Variants in ADAMTS3 observed in about 807,000 individuals in gnomAD.
ADAMTS3 encodes the protein A disintegrin and metalloproteinase with thrombospondin motifs 3.
ADAMTS3 carries 73 observed loss-of-function variants against 129.0 expected under a neutral mutation model. The observed-to-expected ratio is 0.57, with a 90% CI of 0.47 to 0.69. ADAMTS3 has a LOEUF of 0.69. Among genes scored for constraint, ADAMTS3 ranks in the 30% least tolerant of loss-of-function variants. The pLI is 0.00. For synonymous variants in ADAMTS3, 477 were observed against 510.8 expected, an observed-to-expected ratio of 0.93 and a Z score of 0.89; for missense variants, 1,457 against 1,514.5, an observed-to-expected ratio of 0.96 and a Z score of 0.63.
At chr4:72,335,065 C>T (rs983330656) in intron 5 of ADAMTS3, among the ~76,000 whole-genome samples, 1 of 151,920 alleles carries the variant, frequency 6.6e-6, no homozygotes, top group Admixed American at 6.6e-5. Flanking sequence ...ACCCTTAAGC[C>T]CCAGAGAAAA....
At chr4:72,480,108 G>A (rs370576884) in intron 3 of ADAMTS3, among the ~76,000 whole-genome samples, 2 of 152,096 alleles carry the variant, frequency 1.3e-5, no homozygotes, top group African/African-American at 2.4e-5. Flanking sequence ...GACTGTAAAC[G>A]AGTTCAACCA....
chr4:72,349,157 G>A (rs1210298548), intron 4 of ADAMTS3, among the ~76,000 whole-genome samples: 1 of 151,996 alleles, frequency 6.6e-6, no homozygotes, highest in Non-Finnish European at 1.5e-5. Context: ...TGAGAAAGAA[G>A]CTAAACTTAT....
At chr4:72,460,315 GT>G (rs959422785) in intron 3 of ADAMTS3, among the ~76,000 whole-genome samples, 1 of 151,436 alleles carries the variant, frequency 6.6e-6, no homozygotes, top group African/African-American at 2.4e-5. Flanking sequence ...GTACCACATA[GT>G]ATATGAACGT....
chr4:72,557,236 C>T (rs1031486463), intron 2 of ADAMTS3, among the ~76,000 whole-genome samples: 2 of 151,808 alleles, frequency 1.3e-5, no homozygotes, highest in African/African-American at 4.9e-5. Context: ...AAGAGAATGA[C>T]TTTCATCAGA....
At chr4:72,411,464 G>A (rs1722182625) in intron 4 of ADAMTS3, among the ~76,000 whole-genome samples, 1 of 151,968 alleles carries the variant, frequency 6.6e-6, no homozygotes, top group Non-Finnish European at 1.5e-5. Context: ...CCAATTCTGT[G>A]CAGTGTATAC....
At chr4:72,420,223 G>A (rs1312445304) in intron 3 of ADAMTS3, among the ~76,000 whole-genome samples, 1 of 151,808 alleles carries the variant, frequency 6.6e-6, no homozygotes, top group Non-Finnish European at 1.5e-5. Flanking sequence ...CTCCATCACC[G>A]CCTTCAAGAC....
chr4:72,559,417 T>C (rs1721846724), intron 2 of ADAMTS3, among the ~76,000 whole-genome samples: 2 of 151,852 alleles, frequency 1.3e-5, no homozygotes, highest in Admixed American at 1.3e-4. Flanking sequence ...TACTGCTATA[T>C]TACAATTAAT....
intron 3 of ADAMTS3, among the ~76,000 whole-genome samples, chr4:72,510,950 T>C (rs1051995343): frequency 2.7e-5 from 4 of 150,194 alleles, no homozygotes; most frequent in African/African-American, 9.8e-5. Flanking sequence ...TGGAACAGAA[T>C]AGAGAACCCA....
intron 3 of ADAMTS3, among the ~76,000 whole-genome samples, chr4:72,470,405 AC>A (rs1403224464): frequency 4.0e-4 from 59 of 148,760 alleles, no homozygotes; most frequent in Non-Finnish European, 6.7e-4. Context: ...ACACACACAC[AC>A]ATTTCATATA....
intron 3 of ADAMTS3, among the ~76,000 whole-genome samples, chr4:72,448,734 T>A (rs1484695552): frequency 6.6e-6 from 1 of 151,722 alleles, no homozygotes; most frequent in Non-Finnish European, 1.5e-5. Flanking sequence ...ATAAAATTCT[T>A]GTAATATGAA....
At position 72,568,723 on chromosome 4, in the gene ADAMTS3, C is replaced by T. The variant is rs1722086337; in HGVS notation, c.40G>A (p.Val14Ile). Reference sequence around the variant, plus strand: ...CCATCAGCTGAAGTCCTAACCTCTACCAGAGCGGCTGCTATCAACCAAAGT... The same window carrying T: ...CCATCAGCTGAAGTCCTAACCTCTATCAGAGCGGCTGCTATCAACCAAAGT... The part of the protein sequence containing the change: ...LSLWLIAAAL[V>I]EVRTSADGQA... The change falls in exon 1 of 22, where the codon GTA (valine) becomes ATA (isoleucine). Residue 14 changes from valine (V) to isoleucine (I), a missense_variant. By Grantham distance (29) the Val-to-Ile change is conservative. Transcript: ENST00000286657. The T allele has an allele frequency of 6.2e-7, 1 of 1,613,910 alleles. No individual in the cohort carries two copies.
intron 11 of ADAMTS3, 124 bp downstream of exon 11, chr4:72,315,734 A>C (rs1719376869): frequency 1.7e-6 from 1 of 595,724 alleles, no homozygotes; most frequent in African/African-American, 1.9e-5. Context: ...ACTTTAATAA[A>C]GCCTTGCATA....
At chr4:72,305,752 TATGCACATGTACACACATATACAC>T (rs1719068290) in intron 16 of ADAMTS3, among the ~76,000 whole-genome samples, 1 of 151,958 alleles carries the variant, frequency 6.6e-6, no homozygotes, top group South Asian at 2.1e-4. Flanking sequence ...TACATATACA[TATGCACATGTACACACATATACAC>T]ATGCACATGT....
At chr4:72,411,705 A>T (rs1302850894) in intron 4 of ADAMTS3, among the ~76,000 whole-genome samples, 1 of 152,002 alleles carries the variant, frequency 6.6e-6, no homozygotes, top group Non-Finnish European at 1.5e-5. Flanking sequence ...ATCCTAATCT[A>T]CTCAAATTGG....
Position 72,311,173 on chromosome 4 carries a change from T to G in ADAMTS3, c.1930A>C (p.Arg644=). 6.2e-7 allele frequency: 1 copy of G among 1,609,894 alleles called. No individual in the cohort carries two copies. Among genetic ancestry groups the G allele is most frequent in the Non-Finnish European group, 8.5e-7 (1 of 1,177,812 alleles). Residue 644 remains arginine (R), a synonymous_variant, in exon 14 of 22, where the codon AGA becomes CGA. Coordinates refer to ENST00000286657, the MANE Select transcript of ADAMTS3 (RefSeq NM_014243.3). ...TTGGACTGACAGTAAAGGTGGCATC[T>G]TTTCTTGGCTGCATAAGATGGAGGA... The part of the protein sequence containing the change: ...LPYEHPDPKK[R]CHLYCQSKET...
chr4:72,473,564 A>C (rs1238123418), intron 3 of ADAMTS3, among the ~76,000 whole-genome samples: 4 of 151,988 alleles, frequency 2.6e-5, no homozygotes, highest in Non-Finnish European at 5.9e-5. Context: ...AAAAAAAAAA[A>C]AAAACACGGT....
At chr4:72,317,344 T>C (rs889935362) in intron 10 of ADAMTS3, among the ~76,000 whole-genome samples, 3 of 152,142 alleles carry the variant, frequency 2.0e-5, no homozygotes, top group Admixed American at 6.6e-5. Context: ...GTATACCTTA[T>C]AGACAGACCA....
chr4:72,387,054 T>G (rs1721467169), intron 4 of ADAMTS3, among the ~76,000 whole-genome samples: 1 of 151,960 alleles, frequency 6.6e-6, no homozygotes, highest in African/African-American at 2.4e-5. Context: ...GTTAAAGGAG[T>G]TTTAGAAAAA....
In ADAMTS3 at chr4:72,507,486, A is replaced by G. The variant is rs115450627; in HGVS notation, c.504+40992T>C. Among the ~76,000 whole-genome samples the G allele has an allele frequency of 2.2e-3, 339 of 152,306 alleles. 2 individuals are homozygous for G. Among genetic ancestry groups the G allele is most frequent in the African/African-American group, 8.0e-3 (332 of 41,568 alleles). On this transcript the variant is annotated intron_variant, in intron 3 of 21. Transcript: ENST00000286657. ...TGATTGTGAGTCCTCTCACTATCCC[A>G]GTTCTTGCTCTTGAAGCTTGGTTGC...
Sources: gnomAD v4.1 joint callset for allele counts (sites outside exome capture counted in the v4.1 genomes callset) on GRCh38, gnomAD v4.1.1 for gene constraint, MANE v1.5 for transcripts, NCBI Gene and HGNC (gene_info 2026-07-23, HGNC 2026-07-21) for gene names.